Variants in C3orf49 observed in about 807,000 individuals in gnomAD.
C3orf49 encodes the protein chromosome 3 open reading frame 49.
In C3orf49, 27 loss-of-function variants were observed where a neutral mutation model predicts 13.3. The ratio of observed to expected loss-of-function variants is 2.02; its 90% CI spans 1.49 to 2.79. The LOEUF is 2.79. Ranked by LOEUF, C3orf49 falls within the 30% of genes most tolerant of loss-of-function variation. The pLI is 0.00. For missense variants in C3orf49, 242 were observed against 134.2 expected, an observed-to-expected ratio of 1.80 and a Z score of -3.97; for synonymous variants, 87 against 47.6, an observed-to-expected ratio of 1.83 and a Z score of -3.40.
At chr3:63,804,422 C>G in the C3orf49 span, among the ~76,000 whole-genome samples, 2 of 152,168 alleles carry the variant, frequency 1.3e-5, no homozygotes, top group Non-Finnish European at 2.9e-5. Context: ...CGTGCTTTCT[C>G]TTTGGCTCCT....
the C3orf49 span, among the ~76,000 whole-genome samples, chr3:63,802,942 A>C: frequency 5.9e-5 from 9 of 152,004 alleles, no homozygotes; most frequent in Non-Finnish European, 1.2e-4. Context: ...ACTACTGAAC[A>C]CTCTTTGCCA....
At chr3:63,836,349 G>C in intron 5 of C3orf49, 1 of 1,612,372 alleles carries the variant, frequency 6.2e-7, no homozygotes, top group Middle Eastern at 1.7e-4. Flanking sequence ...TTTTGCCAAA[G>C]CATCATATTC....
Position 63,831,125 on chromosome 3 carries a change from A to T in C3orf49, c.586A>T (p.Lys196Ter), listed in dbSNP as rs1701526524. The stretch of plus-strand genomic sequence containing the variant: ...TTTACCATAGGGGCCATATTCACCA[A>T]AAAAGAGACCACACTTTCCAGCACT... Reference protein sequence around the residue: ...SGLQKGPYSPKKRPHFPALKK... With the variant: ...SGLQKGPYSP Residue 196 changes from lysine to a stop codon, truncating the protein, a stop_gained, in exon 4 of 7, where the codon AAA (lysine) becomes TAA (stop). Coordinates refer to ENST00000295896, the MANE Select transcript of C3orf49 (RefSeq NM_001355236.2). LOFTEE classifies it high-confidence loss of function. 2.9e-6 allele frequency: 2 copies of T among 701,378 alleles called. No individual in the cohort carries two copies. The highest frequency in any genetic ancestry group is 3.5e-5 in the African/African-American group (2 of 57,028). 43.4% of individuals were successfully genotyped at this position (701,378 alleles called of 1,614,324 possible).
At chr3:63,797,171 T>A in the C3orf49 span, among the ~76,000 whole-genome samples, 1 of 152,142 alleles carries the variant, frequency 6.6e-6, no homozygotes, top group Non-Finnish European at 1.5e-5. Context: ...ATTCTTATCC[T>A]GTTCCTCTAT....
the C3orf49 span, among the ~76,000 whole-genome samples, chr3:63,803,682 A>C: frequency 6.6e-6 from 1 of 151,976 alleles, no homozygotes; most frequent in Admixed American, 6.6e-5. Flanking sequence ...GGTCTAAGAA[A>C]CTCTGACCTT....
the C3orf49 span, among the ~76,000 whole-genome samples, chr3:63,792,165 A>G: frequency 2.0e-5 from 3 of 152,238 alleles, no homozygotes; most frequent in African/African-American, 7.2e-5. Context: ...ACAGTATGTT[A>G]CAAACTTGCA....
At chr3:63,785,539 A>T in the C3orf49 span, among the ~76,000 whole-genome samples, 2 of 152,206 alleles carry the variant, frequency 1.3e-5, no homozygotes, top group Non-Finnish European at 2.9e-5. Context: ...ATATGACTGA[A>T]AAGGGTGTTC....
At chr3:63,839,679 G>T in intron 5 of C3orf49, 1 of 1,612,040 alleles carries the variant, frequency 6.2e-7, no homozygotes, top group Non-Finnish European at 8.5e-7. Context: ...ACCCAGAGTT[G>T]CACCATTTAA....
chr3:63,836,383 A>C (rs1701635431), intron 5 of C3orf49: 1 of 1,607,118 alleles, frequency 6.2e-7, no homozygotes, highest in Non-Finnish European at 8.5e-7. Flanking sequence ...AATATTTATC[A>C]AACTAAGGAT....
rs1701535935 is a variant in C3orf49, at chr3:63,831,829, G to A, written c.834G>A (p.Lys278=). Residue 278 remains lysine, a synonymous_variant, in exon 5 of 7, where the codon AAG becomes AAA. Transcript: ENST00000295896. ...GGATATCCAAGAGAACCATGAGGAA[G>A]TATAAATTAAAAAATGTGTGTTTCC... ...FQRISKRTMR[K]YKLKNMTTKG... 1 of 695,818 alleles carries A rather than the reference G, an allele frequency of 1.4e-6. No homozygotes were observed. Among genetic ancestry groups the A allele is most frequent in the South Asian group, 1.5e-5 (1 of 66,100 alleles). 43.1% of individuals were successfully genotyped at this position (695,818 alleles called of 1,614,324 possible). A position where few individuals can be genotyped will look rare whatever the true frequency, so the allele number is the denominator to read the frequency against.
chr3:63,825,774 A>G (rs1701458462), intron 2 of C3orf49, among the ~76,000 whole-genome samples: 1 of 152,252 alleles, frequency 6.6e-6, no homozygotes, highest in South Asian at 2.1e-4. Context: ...AGTAGCACAT[A>G]GAACAGACAT....
the C3orf49 span, chr3:63,784,823 A>C: frequency 3.9e-5 from 6 of 152,208 alleles, no homozygotes; most frequent in Non-Finnish European, 8.8e-5. Flanking sequence ...GCACCACTGC[A>C]CTCCAGCCTG....
chr3:63,803,801 G>C, the C3orf49 span, among the ~76,000 whole-genome samples: 11 of 152,090 alleles, frequency 7.2e-5, no homozygotes, highest in East Asian at 1.7e-3. Context: ...ATGGTTTCGT[G>C]ATAATTCAAG....
chr3:63,799,151 G>A, the C3orf49 span, among the ~76,000 whole-genome samples: 1 of 152,134 alleles, frequency 6.6e-6, no homozygotes, highest in Non-Finnish European at 1.5e-5. Context: ...TGAACATGCT[G>A]ATTTGGAGCA....
chr3:63,785,994 A>C, the C3orf49 span: 1 of 152,204 alleles, frequency 6.6e-6, no homozygotes, highest in Non-Finnish European at 1.5e-5. Flanking sequence ...ATTCACTTTC[A>C]AAATCAAAAA....
At chr3:63,792,962 C>T in the C3orf49 span, among the ~76,000 whole-genome samples, 2 of 152,242 alleles carry the variant, frequency 1.3e-5, no homozygotes, top group South Asian at 2.1e-4. Context: ...TTACTTTGAC[C>T]AGGTTAACCA....
intron 1 of C3orf49, among the ~76,000 whole-genome samples, chr3:63,821,460 G>C (rs927746475): frequency 2.0e-5 from 3 of 152,092 alleles, no homozygotes; most frequent in African/African-American, 7.2e-5. Context: ...ATTTCACCCA[G>C]AGAAATGAAA....
chr3:63,782,415 A>G, the C3orf49 span: 4 of 152,334 alleles, frequency 2.6e-5, no homozygotes, highest in East Asian at 3.9e-4. Flanking sequence ...CTAAAATATT[A>G]TGTTTTATGA....
the C3orf49 span, among the ~76,000 whole-genome samples, chr3:63,792,974 T>G: frequency 1.3e-5 from 2 of 152,200 alleles, no homozygotes; most frequent in African/African-American, 2.4e-5. Context: ...GGTTAACCAT[T>G]GACAAATCTT....
Sources: gnomAD v4.1 joint callset for allele counts (sites outside exome capture counted in the v4.1 genomes callset) on GRCh38, gnomAD v4.1.1 for gene constraint, MANE v1.5 for transcripts, NCBI Gene and HGNC (gene_info 2026-07-23, HGNC 2026-07-21) for gene names.